RAB44: variants seen among roughly 807,000 people sequenced by gnomAD.
RAB44 encodes RAB44, member RAS oncogene family.
Under a neutral mutation model 93.3 loss-of-function variants are expected in RAB44, and 67 were observed. The ratio of observed to expected loss-of-function variants is 0.72; its 90% CI spans 0.59 to 0.88. The LOEUF (loss-of-function observed/expected upper bound fraction) is 0.88. Ranked by LOEUF, RAB44 falls within the 40% of genes least tolerant of loss-of-function variation. The probability of loss-of-function intolerance (pLI) is 0.00; values close to 1 mark genes in which losing one functional copy is unlikely to be tolerated. For missense variants in RAB44, 1,064 were observed against 1,261.7 expected (o/e 0.84, Z 2.37); for synonymous variants, 427 against 520.3 (o/e 0.82, Z 2.44).
Position 36,722,249 on chromosome 6 carries a change from T to C in RAB44, c.2115T>C (p.Thr705=). The C allele has an allele frequency of 1.6e-6, 2 of 1,274,316 alleles. No individual in the cohort carries two copies. Among genetic ancestry groups the C allele is most frequent in the Non-Finnish European group, 2.0e-6 (2 of 1,011,936 alleles). The allele number at this position is 1,274,316 out of a possible 1,614,324, so 78.9% of individuals were successfully genotyped here. The stretch of plus-strand genomic sequence containing the variant: ...CGGTTGAGGCTCACGGCCTAGAAAC[T>C]GCGCATTCGGAACTCCCCCAGCAAG... ...EQSVEAHGLE[T]AHSELPQQDS... Residue 705 remains threonine, a synonymous_variant, in exon 9 of 14, where the codon ACT becomes ACC. Transcript: ENST00000612677.
chr6:36,726,076 G>GCC, intron 10 of RAB44, 133 bp downstream of exon 10: 7 of 692,776 alleles, frequency 1.0e-5, no homozygotes, highest in Admixed American at 2.2e-5. Flanking sequence ...GGGAAGGAGA[G>GCC]ATGAGTCAAG....
rs1175750817 is a variant in RAB44, at chr6:36,717,960, G to A, written c.642-68G>A. ...TGGATTCCAAACCCAAGCCCAGACT[G>A]CCCCTGCCAGCAGCAGGCTCCCAGA... On this transcript the variant is annotated intron_variant, in intron 5 of 13. Coordinates refer to ENST00000612677, the MANE Select transcript of RAB44 (RefSeq NM_001257357.2). The surrounding 1 kb of genome is among the most constrained non-coding windows in gnomAD (Gnocchi z 4.1). The A allele has an allele frequency of 2.0e-6, 2 of 988,362 alleles. No homozygotes were observed. Among genetic ancestry groups the A allele is most frequent in the African/African-American group, 1.7e-5 (1 of 59,670 alleles). 61.2% of individuals were successfully genotyped at this position (988,362 alleles called of 1,614,324 possible).
At chr6:36,723,658 AC>A (rs952916943) in intron 9 of RAB44, among the ~76,000 whole-genome samples, 1 of 151,418 alleles carries the variant, frequency 6.6e-6, no homozygotes, top group African/African-American at 2.4e-5. Flanking sequence ...ACGCAGTGAA[AC>A]CCTGTCTTTA....
At chr6:36,714,313 C>G (rs969175248) in intron 3 of RAB44, among the ~76,000 whole-genome samples, 29 of 152,190 alleles carry the variant, frequency 1.9e-4, no homozygotes, top group African/African-American at 7.0e-4. Flanking sequence ...GCTGAGCCCC[C>G]ACTGGGCAGG....
intron 2 of RAB44, among the ~76,000 whole-genome samples, chr6:36,712,353 G>A (rs767330441): frequency 6.6e-6 from 1 of 152,126 alleles, no homozygotes; most frequent in Non-Finnish European, 1.5e-5. Flanking sequence ...CTCCTTCCCA[G>A]TCCCAGTGGA....
rs190692551 is a variant in RAB44 at position 36,728,125 on chromosome 6, C to G, written c.2796+434C>G. On this transcript the variant is annotated intron_variant, in intron 11 of 13. Coordinates refer to ENST00000612677, the MANE Select transcript of RAB44 (RefSeq NM_001257357.2). ...TGTGAAGTTAGCCATGTTGCCTTCT[C>G]TCTGGAAGTTTCTAGTTTAGCAAAA... Among the ~76,000 whole-genome samples, 216 of 152,288 alleles carry G rather than the reference C, an allele frequency of 1.4e-3. 1 individual carries two copies. Among genetic ancestry groups the G allele is most frequent in the African/African-American group, 5.0e-3 (207 of 41,562 alleles).
At chr6:36,699,978 T>C (rs1762473169) in intron 1 of RAB44, among the ~76,000 whole-genome samples, 1 of 152,116 alleles carries the variant, frequency 6.6e-6, no homozygotes, top group African/African-American at 2.4e-5. Context: ...GCTCTTGGGA[T>C]AGAACAGTGA....
chr6:36,698,002 A>C (rs530039571), intron 1 of RAB44, 87 bp downstream of exon 1: 1 of 152,268 alleles, frequency 6.6e-6, no homozygotes, highest in East Asian at 1.9e-4. Flanking sequence ...TTTAACTTCT[A>C]TGTCAAGGGT....
intron 2 of RAB44, among the ~76,000 whole-genome samples, chr6:36,710,798 G>C (rs773546144): frequency 4.6e-5 from 7 of 151,982 alleles, no homozygotes; most frequent in Non-Finnish European, 8.8e-5. Flanking sequence ...TAAGTTTTGT[G>C]TTTTTAGTAG....
At chr6:36,728,583 T>G (rs1763290080) in intron 11 of RAB44, 117 bp from the exon 12 acceptor site, 3 of 732,900 alleles carry the variant, frequency 4.1e-6, no homozygotes, top group African/African-American at 1.8e-5. Context: ...GGTTATGGAG[T>G]GGATGTGGCC....
intron 2 of RAB44, 66 bp downstream of exon 2, chr6:36,704,508 C>A: frequency 6.9e-7 from 1 of 1,449,920 alleles, no homozygotes; most frequent in Non-Finnish European, 9.3e-7. Flanking sequence ...CCCCTCTCCC[C>A]CATCACAGGA....
rs1172859241 is a variant in RAB44, at chr6:36,717,799, C to A, written c.642-229C>A. Among the ~76,000 whole-genome samples, 2 of 152,096 alleles carry A rather than the reference C, an allele frequency of 1.3e-5. No homozygotes were observed. The highest frequency in any genetic ancestry group is 4.8e-5 in the African/African-American group (2 of 41,412). ...AGACCCTGGCCAGGGGAACTGGTGA[C>A]GGTTACAAGGGTCGGCGTGGTAGGA... On this transcript the variant is annotated intron_variant, in intron 5 of 13. Coordinates refer to ENST00000612677, the MANE Select transcript of RAB44 (RefSeq NM_001257357.2). This position sits in a 1 kb window ranked among gnomAD's most constrained non-coding sequence, Gnocchi z 4.1.
chr6:36,728,268 G>C (rs547897278), intron 11 of RAB44, among the ~76,000 whole-genome samples: 4 of 152,310 alleles, frequency 2.6e-5, no homozygotes, highest in Admixed American at 6.5e-5. Context: ...TGAGTTCTCT[G>C]AACTTCAATT....
intron 9 of RAB44, among the ~76,000 whole-genome samples, chr6:36,724,600 A>G (rs944259822): frequency 3.3e-5 from 5 of 152,330 alleles, no homozygotes; most frequent in African/African-American, 1.2e-4. Context: ...AAGTTCTCAC[A>G]AAATTCAATC....
intron 11 of RAB44, 134 bp from the exon 12 acceptor site, chr6:36,728,566 G>GT: frequency 1.5e-6 from 1 of 687,160 alleles, no homozygotes; most frequent in South Asian, 1.7e-5. Context: ...AAGGGTCCAG[G>GT]TGAGAAGGTT....
At chr6:36,698,719 C>A (rs1404560618) in intron 1 of RAB44, among the ~76,000 whole-genome samples, 1 of 151,886 alleles carries the variant, frequency 6.6e-6, no homozygotes, top group Non-Finnish European at 1.5e-5. Context: ...GGTGGCCCTG[C>A]CAGCTGACTC....
chr6:36,722,743 T>A lies in RAB44; in HGVS notation c.2599+10T>A, dbSNP rs143747683. 2 of 1,550,430 alleles carry A rather than the reference T, an allele frequency of 1.3e-6. No homozygotes were observed. Among genetic ancestry groups the A allele is most frequent in the Non-Finnish European group, 1.7e-6 (2 of 1,146,944 alleles). On this transcript the variant is annotated intron_variant, in intron 9 of 13. Transcript: ENST00000612677. ...TTGACAGCTACCGTGGGTAAGGGCA[T>A]TGGGGAGGGCGGCAGGGAGCAAGGA...
At position 36,717,439 on chromosome 6, in the gene RAB44, G is replaced by T; in HGVS notation, c.641+20G>T. ...GAGGAAGTGAGTGGGGGGCCTGGCC[G>T]GGTGTCTGATACGAAGTAGGTGCTC... On this transcript the variant is annotated intron_variant, in intron 5 of 13. Coordinates refer to ENST00000612677, the MANE Select transcript of RAB44 (RefSeq NM_001257357.2). This position sits in a 1 kb window ranked among gnomAD's most constrained non-coding sequence, Gnocchi z 4.1. 4 of 1,231,948 alleles carry T rather than the reference G, an allele frequency of 3.2e-6. No individual in the cohort carries two copies. In the South Asian group the frequency reaches 1.2e-4, roughly 38 times the overall value. 76.3% of individuals were successfully genotyped at this position (1,231,948 alleles called of 1,614,324 possible).
chr6:36,706,768 C>G (rs1762659529), intron 2 of RAB44, among the ~76,000 whole-genome samples: 1 of 151,676 alleles, frequency 6.6e-6, no homozygotes, highest in South Asian at 2.1e-4. Context: ...GCTCTTTCAC[C>G]TAGGCTGGAG....
Sources: allele counts gnomAD v4.1 joint callset (sites outside exome capture counted in the v4.1 genomes callset), GRCh38; gene constraint gnomAD v4.1.1; non-coding constraint Gnocchi (gnomAD v3.1); transcripts MANE v1.5; gene names NCBI Gene and HGNC (gene_info 2026-07-23, HGNC 2026-07-21).